The following GRIP1 variants were observed in gnomAD, a reference collection of about 807,000 sequenced individuals.
GRIP1 encodes the protein glutamate receptor-interacting protein 1.
A neutral mutation model predicts 129.9 loss-of-function variants in GRIP1; 45 were observed. That is an observed-to-expected ratio of 0.35 (90% CI 0.27 to 0.44). The LOEUF (loss-of-function observed/expected upper bound fraction) is 0.44. Among genes scored for constraint, GRIP1 ranks in the 20% least tolerant of loss-of-function variants. GRIP1 has a pLI of 1.00. For missense variants in GRIP1, 1,196 were observed against 1,396.8 expected (o/e 0.86, Z 2.29); for synonymous variants, 530 against 520.8 (o/e 1.02, Z -0.24).
At chr12:66,582,833 A>C (rs1384126163) in intron 2 of GRIP1, among the ~76,000 whole-genome samples, 135 of 146,254 alleles carry the variant, frequency 9.2e-4, no homozygotes, top group African/African-American at 3.3e-3. Context: ...CATACTGCCC[A>C]AGGTAATTTA....
chr12:66,921,012 A>G (rs1311671216), intron 1 of GRIP1, among the ~76,000 whole-genome samples: 1 of 152,184 alleles, frequency 6.6e-6, no homozygotes, highest in African/African-American at 2.4e-5. Context: ...ACCGTCTAGG[A>G]AATGGTGACA....
rs1189490739 is a variant in GRIP1, at chr12:66,969,574, G to A, written c.58+99476C>T. Among the ~76,000 whole-genome samples the A allele has an allele frequency of 3.9e-5, 6 of 151,978 alleles. 1 individual carries two copies. The East Asian group carries it at 7.8e-4, about 20-fold the overall frequency. On this transcript the variant is annotated intron_variant, in intron 1 of 1. Transcript: ENST00000643019. ...TGGGACCACGGGCATATGCCACCAC[G>A]CCTGGCTAATTTTTTTTATTTTTTT...
intron 1 of GRIP1, among the ~76,000 whole-genome samples, chr12:66,661,079 C>T (rs2033472054): frequency 6.6e-6 from 1 of 151,864 alleles, no homozygotes; most frequent in African/African-American, 2.4e-5. Context: ...AATGGCTTTC[C>T]TGGAAACGAC....
At chr12:66,924,590 CT>C (rs2041265556) in intron 1 of GRIP1, among the ~76,000 whole-genome samples, 1 of 152,170 alleles carries the variant, frequency 6.6e-6, no homozygotes, top group Admixed American at 6.5e-5. Context: ...TAAGAGTTAT[CT>C]TGTTCTGAAC....
chr12:66,924,964 C>T (rs908317322), intron 1 of GRIP1, among the ~76,000 whole-genome samples: 10 of 151,728 alleles, frequency 6.6e-5, no homozygotes, highest in South Asian at 4.2e-4. Context: ...AGCGAGACTC[C>T]GTCTCAAAAA....
chr12:66,752,526 G>C (rs948851519), intron 1 of GRIP1, among the ~76,000 whole-genome samples: 2 of 152,050 alleles, frequency 1.3e-5, no homozygotes, highest in Non-Finnish European at 2.9e-5. Context: ...ACAAGGACTT[G>C]TTCTCACTAT....
At chr12:67,042,087 G>C (rs1330659273) in intron 1 of GRIP1, among the ~76,000 whole-genome samples, 1 of 152,170 alleles carries the variant, frequency 6.6e-6, no homozygotes, top group Non-Finnish European at 1.5e-5. Flanking sequence ...GTTCCTGATA[G>C]AAAGGATGCA....
At chr12:66,524,071 A>T (rs1229824470) in intron 5 of GRIP1, among the ~76,000 whole-genome samples, 3 of 152,180 alleles carry the variant, frequency 2.0e-5, no homozygotes, top group East Asian at 1.9e-4. Flanking sequence ...CTCCCACACA[A>T]TAATAATGGG....
In GRIP1 at chr12:66,860,766, C is replaced by T. The variant is rs78819968; in HGVS notation, c.58+208284G>A. On this transcript the variant is annotated intron_variant, in intron 1 of 1. Coordinates refer to the GRIP1 transcript ENST00000643019. ...TCTTATTAAAATGCATATTGCGATA[C>T]ATAATGTCTAGAGTGGGCCTCAAGA... Among the ~76,000 whole-genome samples, 708 of 152,174 alleles carry T rather than the reference C, an allele frequency of 4.7e-3. 2 individuals carry two copies. The highest frequency in any genetic ancestry group is 8.9e-3 in the Non-Finnish European group (603 of 67,974).
At chr12:66,372,284 A>G (rs1161586144) in intron 22 of GRIP1, 1 of 359,516 alleles carries the variant, frequency 2.8e-6, no homozygotes, top group Non-Finnish European at 5.3e-6. Flanking sequence ...GATGGGATTC[A>G]TGAGGCCACC....
intron 1 of GRIP1, among the ~76,000 whole-genome samples, chr12:66,951,206 T>C (rs933451375): frequency 6.6e-6 from 1 of 152,242 alleles, no homozygotes; most frequent in Non-Finnish European, 1.5e-5. Flanking sequence ...ACTATATTAA[T>C]AGCAGAATAT....
At chr12:66,369,234 G>A (rs760863462) in intron 23 of GRIP1, among the ~76,000 whole-genome samples, 1 of 151,882 alleles carries the variant, frequency 6.6e-6, no homozygotes, top group Non-Finnish European at 1.5e-5. Flanking sequence ...GTGATCTCAG[G>A]ATCTTACAGT....
At chr12:66,687,848 C>G (rs988423843) in intron 1 of GRIP1, among the ~76,000 whole-genome samples, 1 of 152,166 alleles carries the variant, frequency 6.6e-6, no homozygotes, top group African/African-American at 2.4e-5. Context: ...CATACAATCC[C>G]TTAGTCACGG....
chr12:66,384,071 G>A (rs571188238), intron 19 of GRIP1, among the ~76,000 whole-genome samples: 115 of 152,282 alleles, frequency 7.6e-4, no homozygotes, highest in Non-Finnish European at 1.3e-3. Flanking sequence ...CGAAGTGCCT[G>A]TTTCTTTATA....
At chr12:66,596,681 T>A (rs1300564524) in intron 2 of GRIP1, among the ~76,000 whole-genome samples, 166 bp downstream of exon 2, 1 of 152,246 alleles carries the variant, frequency 6.6e-6, no homozygotes, top group Non-Finnish European at 1.5e-5. Flanking sequence ...AGTCTAGCTT[T>A]TATGAATATT....
chr12:66,748,736 G>T (rs1439769383), intron 1 of GRIP1, among the ~76,000 whole-genome samples: 1 of 151,964 alleles, frequency 6.6e-6, no homozygotes, highest in African/African-American at 2.4e-5. Context: ...CTTTCTATAT[G>T]GTCTTTTTTT....
intron 1 of GRIP1, among the ~76,000 whole-genome samples, chr12:66,771,479 G>A (rs1035846276): frequency 1.3e-5 from 2 of 152,120 alleles, no homozygotes; most frequent in African/African-American, 4.8e-5. Flanking sequence ...ACATCATAAA[G>A]TAATGCCCAT....
At chr12:66,781,210 C>T (rs554547943) in intron 1 of GRIP1, among the ~76,000 whole-genome samples, 1 of 152,248 alleles carries the variant, frequency 6.6e-6, no homozygotes, top group East Asian at 1.9e-4. Flanking sequence ...TGGAAGGGTT[C>T]CCCTTTCAAA....
chr12:66,810,108 A>G (rs1354134939), intron 1 of GRIP1, among the ~76,000 whole-genome samples: 1 of 152,240 alleles, frequency 6.6e-6, no homozygotes, highest in Non-Finnish European at 1.5e-5. Flanking sequence ...ATCAGAAGCC[A>G]TTCCATACAT....
Sources: gnomAD v4.1 joint callset for allele counts (sites outside exome capture counted in the v4.1 genomes callset) on GRCh38, gnomAD v4.1.1 for gene constraint, MANE v1.5 for transcripts, NCBI Gene and HGNC (gene_info 2026-07-23, HGNC 2026-07-21) for gene names.